The following SLAIN1 variants were observed in gnomAD, a reference collection of about 807,000 sequenced individuals.
The protein encoded by SLAIN1 is SLAIN motif-containing protein 1.
A neutral mutation model predicts 55.4 loss-of-function variants in SLAIN1; 17 were observed. The ratio of observed to expected loss-of-function variants is 0.31; its 90% CI spans 0.21 to 0.46. The LOEUF (loss-of-function observed/expected upper bound fraction) is 0.46, where lower values mean the gene tolerates loss of function less well. Among genes scored for constraint, SLAIN1 ranks in the 20% least tolerant of loss-of-function variants. The probability of loss-of-function intolerance (pLI) is 1.00; values close to 1 mark genes in which losing one functional copy is unlikely to be tolerated. For missense variants in SLAIN1, 682 were observed against 785.1 expected (o/e 0.87, Z 1.57); for synonymous variants, 348 against 337.4 (o/e 1.03, Z -0.35).
chr13:77,707,916 G>A (rs1184977655), intron 1 of SLAIN1, among the ~76,000 whole-genome samples: 1 of 152,140 alleles, frequency 6.6e-6, no homozygotes, highest in Non-Finnish European at 1.5e-5. Flanking sequence ...GATGAAGAGG[G>A]GTGGTAGGAC....
chr13:77,755,468 A>T (rs1874531758), intron 5 of SLAIN1, among the ~76,000 whole-genome samples: 1 of 152,200 alleles, frequency 6.6e-6, no homozygotes, highest in Admixed American at 6.5e-5. Context: ...AGAAAAATGT[A>T]TGTAGCCCAA....
At chr13:77,758,293 GATTT>G (rs549380984) in intron 5 of SLAIN1, among the ~76,000 whole-genome samples, 6 of 151,466 alleles carry the variant, frequency 4.0e-5, no homozygotes, top group African/African-American at 1.2e-4. Flanking sequence ...TTTTCTTGTT[GATTT>G]ATTTGAGTTC....
At chr13:77,729,644 G>A (rs1424045728) in intron 2 of SLAIN1, among the ~76,000 whole-genome samples, 1 of 152,072 alleles carries the variant, frequency 6.6e-6, no homozygotes, top group African/African-American at 2.4e-5. Flanking sequence ...AATGTGTTGA[G>A]TACTTATTAG....
chr13:77,744,526 A>G, intron 3 of SLAIN1, 94 bp downstream of exon 3: 1 of 1,579,794 alleles, frequency 6.3e-7, no homozygotes, highest in Non-Finnish European at 8.6e-7. Flanking sequence ...GGTAATGGGC[A>G]AATAATTAGA....
At chr13:77,714,167 A>C (rs2091182792) in intron 1 of SLAIN1, among the ~76,000 whole-genome samples, 1 of 147,446 alleles carries the variant, frequency 6.8e-6, no homozygotes, top group South Asian at 2.1e-4. Context: ...AACTTAAAGT[A>C]TAGTAATAAA....
chr13:77,757,071 A>T lies in SLAIN1; in HGVS notation c.1414+3713A>T, dbSNP rs555199570. 2.6e-4 allele frequency among the ~76,000 whole-genome samples: 39 copies of T among 152,292 alleles called. No homozygotes were observed. The South Asian group carries it at 4.3e-3, about 17-fold the overall frequency. ...CCAAATTCATGTGTTGAAGGTTTTTAAAAAATTAACACTTTTTTGGAGCAG... is the reference window on the plus strand; with the variant it reads ...CCAAATTCATGTGTTGAAGGTTTTTTAAAAATTAACACTTTTTTGGAGCAG... On this transcript the variant is annotated intron_variant, in intron 5 of 6. Transcript: ENST00000418532.
chr13:77,763,399 C>G lies in SLAIN1; in HGVS notation c.*179C>G, dbSNP rs1289792692. 4 of 585,488 alleles carry G rather than the reference C, an allele frequency of 6.8e-6. No individual in the cohort carries two copies. The highest frequency in any genetic ancestry group is 1.2e-5 in the Non-Finnish European group (4 of 331,310). 36.3% of individuals were successfully genotyped at this position (585,488 alleles called of 1,614,324 possible). A position where few individuals can be genotyped will look rare whatever the true frequency, so the allele number is the denominator to read the frequency against. On this transcript the variant is annotated 3_prime_UTR_variant, in exon 7 of 7. Coordinates refer to ENST00000418532, the MANE Select transcript of SLAIN1 (RefSeq NM_001242868.2). ...ACTAATTATTGCACTTAAATATTTGCCTGAGATACTGCAACATTCTCAAAC... is the reference window on the plus strand; with the variant it reads ...ACTAATTATTGCACTTAAATATTTGGCTGAGATACTGCAACATTCTCAAAC...
chr13:77,756,501 GT>G (rs1293499242), intron 5 of SLAIN1, among the ~76,000 whole-genome samples: 1 of 151,928 alleles, frequency 6.6e-6, no homozygotes, highest in Admixed American at 6.6e-5. Flanking sequence ...GTTTCTTTCA[GT>G]TTCTACTAGT....
chr13:77,741,157 A>G (rs1873409952), intron 2 of SLAIN1: 1 of 985,242 alleles, frequency 1.0e-6, no homozygotes, highest in Admixed American at 6.2e-5. Context: ...ACACGCAGTT[A>G]CTGTAATTTG....
rs527719294 is a variant in SLAIN1 at position 77,714,754 on chromosome 13, C to T, written c.627-4778C>T. On this transcript the variant is annotated intron_variant, in intron 1 of 6. Coordinates refer to ENST00000418532, the MANE Select transcript of SLAIN1 (RefSeq NM_001242868.2). ...ATAGACTTTAACATGTATATATACCCGGGAAATCATGACCACAGTTAATGT... is the reference window on the plus strand; with the variant it reads ...ATAGACTTTAACATGTATATATACCTGGGAAATCATGACCACAGTTAATGT... Among the ~76,000 whole-genome samples the T allele has an allele frequency of 1.2e-4, 18 of 152,204 alleles. No homozygotes were observed. In the South Asian group the frequency reaches 3.1e-3, roughly 26 times the overall value.
In SLAIN1 at chr13:77,726,052, C is replaced by G. The variant is rs192140652; in HGVS notation, c.766+6381C>G. On this transcript the variant is annotated intron_variant, in intron 2 of 6. Coordinates refer to ENST00000418532, the MANE Select transcript of SLAIN1 (RefSeq NM_001242868.2). ...ATGATGTATCTGACAACTTTTGACC[C>G]TGGACCTAGATAACAAAACTTGCTA... Among the ~76,000 whole-genome samples, 305 of 152,268 alleles carry G rather than the reference C, an allele frequency of 2.0e-3. 1 individual carries two copies. The highest frequency in any genetic ancestry group is 7.1e-3 in the African/African-American group (296 of 41,550).
intron 4 of SLAIN1, among the ~76,000 whole-genome samples, chr13:77,749,870 A>C (rs1874087601): frequency 6.6e-6 from 1 of 152,196 alleles, no homozygotes; most frequent in Admixed American, 6.5e-5. Context: ...TTCAGGATTA[A>C]AGCTTTGTGA....
At chr13:77,716,698 C>T (rs2091211303) in intron 1 of SLAIN1, among the ~76,000 whole-genome samples, 1 of 152,030 alleles carries the variant, frequency 6.6e-6, no homozygotes, top group Non-Finnish European at 1.5e-5. Flanking sequence ...TATAAGTATA[C>T]AATTGACTTT....
chr13:77,712,803 C>G (rs889141326), intron 1 of SLAIN1, among the ~76,000 whole-genome samples: 9 of 152,178 alleles, frequency 5.9e-5, no homozygotes, highest in African/African-American at 2.2e-4. Flanking sequence ...TACCTGATTT[C>G]AAACTCTACT....
chr13:77,763,070 A>G (rs1004408771), intron 6 of SLAIN1, 75 bp from the exon 7 acceptor site: 1 of 1,215,604 alleles, frequency 8.2e-7, no homozygotes, highest in African/African-American at 1.5e-5. Context: ...TAGATGGGAG[A>G]GTAGGTCAAA....
intron 1 of SLAIN1, among the ~76,000 whole-genome samples, chr13:77,705,581 A>T (rs1190728819): frequency 6.6e-6 from 1 of 151,946 alleles, no homozygotes; most frequent in Non-Finnish European, 1.5e-5. Context: ...TTCTAATGAC[A>T]TTGAATAAAG....
chr13:77,702,241 A>G (rs1422464253), intron 1 of SLAIN1, among the ~76,000 whole-genome samples: 2 of 152,040 alleles, frequency 1.3e-5, no homozygotes. Flanking sequence ...ATAGCCCTAT[A>G]GTAAAACTCT....
chr13:77,700,057 G>C (rs1400097045), intron 1 of SLAIN1, among the ~76,000 whole-genome samples: 1 of 152,128 alleles, frequency 6.6e-6, no homozygotes, highest in East Asian at 1.9e-4. Context: ...AGATATATGG[G>C]ATCAGTTTTA....
chr13:77,697,863 C>G lies in SLAIN1; in HGVS notation c.-51C>G. ...GTAGCCTCCCCGTGGCCCGAGGAGC[C>G]GGCGCGGCGGCGCGCACTCCCCGGC... On this transcript the variant is annotated 5_prime_UTR_variant, in exon 1 of 7. Coordinates refer to ENST00000418532, the MANE Select transcript of SLAIN1 (RefSeq NM_001242868.2). 1 of 1,272,218 alleles carries G rather than the reference C, an allele frequency of 7.9e-7. No homozygotes were observed. Among genetic ancestry groups the G allele is most frequent in the Non-Finnish European group, 9.9e-7 (1 of 1,009,710 alleles). The allele number at this position is 1,272,218 out of a possible 1,614,324, so 78.8% of individuals were successfully genotyped here.
Sources: gnomAD v4.1 joint callset for allele counts (sites outside exome capture counted in the v4.1 genomes callset) on GRCh38, gnomAD v4.1.1 for gene constraint, MANE v1.5 for transcripts, NCBI Gene and HGNC (gene_info 2026-07-23, HGNC 2026-07-21) for gene names.